The following AHCYL1 variants were observed in gnomAD, a reference collection of about 807,000 sequenced individuals.
The protein encoded by AHCYL1 is adenosylhomocysteinase like 1.
A neutral mutation model predicts 79.3 loss-of-function variants in AHCYL1; 20 were observed. That is an observed-to-expected ratio of 0.25 (90% CI 0.18 to 0.37). AHCYL1 has a LOEUF of 0.37. Among genes scored for constraint, AHCYL1 ranks in the 10% least tolerant of loss-of-function variants. The pLI, the probability that AHCYL1 is intolerant of heterozygous loss-of-function variation, is 1.00. For synonymous variants in AHCYL1, 223 were observed against 242.2 expected (o/e 0.92, Z 0.74); for missense variants, 330 against 673.6 (o/e 0.49, Z 5.65).
intron 1 of AHCYL1, among the ~76,000 whole-genome samples, chr1:109,991,063 A>G (rs181667050): frequency 2.8e-4 from 43 of 152,260 alleles, no homozygotes; most frequent in African/African-American, 9.6e-4. Context: ...TGGAGCATCC[A>G]TGCCTTTGTT....
chr1:110,009,281 G>C (rs552659572), intron 2 of AHCYL1, 136 bp downstream of exon 2: 1 of 715,972 alleles, frequency 1.4e-6, no homozygotes, highest in East Asian at 3.1e-5. Flanking sequence ...TGGCTGGGCA[G>C]TGGGAATGTT....
intron 4 of AHCYL1, 92 bp downstream of exon 4, chr1:110,012,554 C>A: frequency 9.8e-7 from 1 of 1,022,604 alleles, no homozygotes; most frequent in Non-Finnish European, 1.4e-6. Context: ...AACTCGCCAA[C>A]CTCCAAATGC....
intron 1 of AHCYL1, among the ~76,000 whole-genome samples, chr1:110,007,892 A>C (rs1351651820): frequency 2.0e-5 from 3 of 152,228 alleles, no homozygotes; most frequent in African/African-American, 7.2e-5. Flanking sequence ...ATGTAATAAA[A>C]GTGTTACACA....
chr1:110,010,524 C>G (rs1650957027), intron 2 of AHCYL1, among the ~76,000 whole-genome samples: 1 of 152,156 alleles, frequency 6.6e-6, no homozygotes, highest in African/African-American at 2.4e-5. Flanking sequence ...CAGACTTTCC[C>G]AGGGCTATCA....
chr1:110,009,477 A>T (rs11102047), intron 2 of AHCYL1, among the ~76,000 whole-genome samples: 2,891 of 152,344 alleles, frequency 0.019, 90 homozygotes, highest in East Asian at 0.11. Context: ...AATTGGACTT[A>T]AAAAAGAAGT....
Position 110,019,581 on chromosome 1 carries a change from G to T in AHCYL1, c.1420G>T (p.Glu474Ter). Residue 474 changes from glutamate to a stop codon, truncating the protein, a stop_gained, in exon 15 of 17, where the codon GAG (glutamate) becomes TAG (stop). Transcript: ENST00000369799. LOFTEE classifies it high-confidence loss of function. ...LALIELYNAP[E>*]GRYKQDVYLL... ...ACTGATAGAACTCTATAATGCACCC[G>T]AGGGGCGATACAAGCAGGATGTGTA... 1.9e-6 allele frequency: 3 copies of T among 1,613,396 alleles called. No individual in the cohort carries two copies. The highest frequency in any genetic ancestry group is 2.5e-6 in the Non-Finnish European group (3 of 1,179,860).
At chr1:110,019,678 AT>A in intron 15 of AHCYL1, 52 bp downstream of exon 15, 3 of 1,521,562 alleles carry the variant, frequency 2.0e-6, no homozygotes, top group Non-Finnish European at 2.7e-6. Context: ...GTTTGGTAAA[AT>A]GACTGCCATG....
At chr1:109,994,558 G>A (rs569109430) in intron 1 of AHCYL1, among the ~76,000 whole-genome samples, 5 of 152,280 alleles carry the variant, frequency 3.3e-5, no homozygotes, top group South Asian at 4.1e-4. Flanking sequence ...CAAAGTGTTG[G>A]GATTACAGGC....
At chr1:109,992,303 G>A (rs867126658) in intron 1 of AHCYL1, among the ~76,000 whole-genome samples, 2 of 151,720 alleles carry the variant, frequency 1.3e-5, no homozygotes, top group South Asian at 2.1e-4. Context: ...CCAGCTACCC[G>A]GGAGGCTGAG....
intron 9 of AHCYL1, 85 bp from the exon 10 acceptor site, chr1:110,017,410 A>T: frequency 1.6e-6 from 2 of 1,278,394 alleles, no homozygotes; most frequent in Non-Finnish European, 2.3e-6. Context: ...CATGAAGGTT[A>T]ATTCCTGTCT....
chr1:109,984,973 C>A lies in AHCYL1; in HGVS notation c.-80C>A. ...GTGGGCGATCGCGTGTCGGAGGGCG[C>A]CGCGCGGGCAGGCGGGCGGGCGCCA... is the stretch of plus-strand genomic sequence containing the variant. On this transcript the variant is annotated 5_prime_UTR_variant, in exon 1 of 17. Transcript: ENST00000369799. 7.3e-7 allele frequency: 1 copy of A among 1,369,024 alleles called. No individual in the cohort carries two copies. The highest frequency in any genetic ancestry group is 9.4e-7 in the Non-Finnish European group (1 of 1,063,544). The allele number at this position is 1,369,024 out of a possible 1,614,324, so 84.8% of individuals were successfully genotyped here.
At chr1:110,016,578 A>C in intron 8 of AHCYL1, 89 bp from the exon 9 acceptor site, 1 of 1,580,284 alleles carries the variant, frequency 6.3e-7, no homozygotes, top group Non-Finnish European at 8.7e-7. Context: ...TGATATTCTC[A>C]TGGGCATTGG....
intron 1 of AHCYL1, among the ~76,000 whole-genome samples, chr1:110,008,612 A>G (rs1339651385): frequency 2.6e-5 from 4 of 152,132 alleles, no homozygotes; most frequent in Non-Finnish European, 4.4e-5. Flanking sequence ...GGAATGTGCT[A>G]CAAGGGAATA....
At chr1:110,018,321 G>A in intron 11 of AHCYL1, 52 bp from the exon 12 acceptor site, 1 of 1,569,718 alleles carries the variant, frequency 6.4e-7, no homozygotes, top group Non-Finnish European at 8.8e-7. Context: ...AAGCCAGCCA[G>A]TACCTTTGTT....
chr1:109,997,321 A>AGGAGTT (rs1178500856), intron 1 of AHCYL1, among the ~76,000 whole-genome samples: 1 of 152,230 alleles, frequency 6.6e-6, no homozygotes, highest in Non-Finnish European at 1.5e-5. Flanking sequence ...AGAAAGTGAC[A>AGGAGTT]GGAGTTGAAG....
chr1:110,020,995 C>T (rs527867771), intron 16 of AHCYL1, 144 bp downstream of exon 16: 130 of 1,243,904 alleles, frequency 1.0e-4, no homozygotes, highest in Non-Finnish European at 1.2e-4. Context: ...CGGTGGCTCA[C>T]GCCTGTAATC....
intron 1 of AHCYL1, among the ~76,000 whole-genome samples, chr1:109,993,253 AC>A (rs1172101725): frequency 1.3e-5 from 2 of 152,208 alleles, no homozygotes; most frequent in Non-Finnish European, 2.9e-5. Flanking sequence ...TCAAAACTAA[AC>A]AAAATAATTT....
chr1:109,996,064 G>A (rs979006887), intron 1 of AHCYL1, among the ~76,000 whole-genome samples: 6 of 152,064 alleles, frequency 3.9e-5, no homozygotes, highest in Non-Finnish European at 8.8e-5. Flanking sequence ...AAAATTAGCC[G>A]GGTGTGGTAG....
At chr1:110,016,782 A>G in intron 9 of AHCYL1, 52 bp downstream of exon 9, 2 of 1,608,604 alleles carry the variant, frequency 1.2e-6, no homozygotes, top group East Asian at 2.2e-5. Flanking sequence ...TATTAGAAAT[A>G]TTGGGTAAAG....
Sources: allele counts gnomAD v4.1 joint callset (sites outside exome capture counted in the v4.1 genomes callset), GRCh38; gene constraint gnomAD v4.1.1; transcripts MANE v1.5; gene names NCBI Gene and HGNC (gene_info 2026-07-23, HGNC 2026-07-21).